Variants in PTPRT observed in about 807,000 individuals in gnomAD.
PTPRT encodes receptor-type tyrosine-protein phosphatase T.
In PTPRT, 56 loss-of-function variants were observed where a neutral mutation model predicts 176.8. That is an observed-to-expected ratio of 0.32 (90% CI 0.26 to 0.40). The LOEUF (loss-of-function observed/expected upper bound fraction) is 0.40, where lower values mean the gene tolerates loss of function less well. Among genes scored for constraint, PTPRT ranks in the 10% least tolerant of loss-of-function variants. The pLI is 1.00. For synonymous variants in PTPRT, 783 were observed against 739.0 expected (o/e 1.06, Z -0.96); for missense variants, 1,540 against 1,908.2 (o/e 0.81, Z 3.60).
Position 42,880,882 on chromosome 20 carries a change from T to C in PTPRT, c.214+4925A>G, listed in dbSNP as rs568839797. ...GTAGTTGTGGTTTTTGCCATTACTTTCAATGGCAAATAACAGTAGGTGTGT... is the reference window on the plus strand; with the variant it reads ...GTAGTTGTGGTTTTTGCCATTACTTCCAATGGCAAATAACAGTAGGTGTGT... On this transcript the variant is annotated intron_variant, in intron 2 of 30. Coordinates refer to ENST00000373187, the MANE Select transcript of PTPRT (RefSeq NM_007050.6). Among the ~76,000 whole-genome samples, 18 of 152,356 alleles carry C rather than the reference T, an allele frequency of 1.2e-4. No individual in the cohort carries two copies. The East Asian group carries it at 3.1e-3, about 26-fold the overall frequency.
intron 6 of PTPRT, among the ~76,000 whole-genome samples, 173 bp from the exon 7 acceptor site, chr20:42,678,332 G>A (rs1008796571): frequency 2.0e-5 from 3 of 152,142 alleles, no homozygotes; most frequent in African/African-American, 7.2e-5. Flanking sequence ...ATGGAGTCTT[G>A]CTCTGTCATT....
chr20:42,241,330 G>C (rs1426335473), intron 14 of PTPRT, among the ~76,000 whole-genome samples: 1 of 152,142 alleles, frequency 6.6e-6, no homozygotes, highest in Non-Finnish European at 1.5e-5. Context: ...TTTTTAGGTA[G>C]ATGGAACTGT....
At chr20:42,188,061 C>T (rs1450222659) in intron 16 of PTPRT, among the ~76,000 whole-genome samples, 1 of 152,228 alleles carries the variant, frequency 6.6e-6, no homozygotes, top group Non-Finnish European at 1.5e-5. Context: ...CCAGAGTCCA[C>T]TGCCAACCTG....
intron 17 of PTPRT, among the ~76,000 whole-genome samples, chr20:42,152,743 G>A (rs936982519): frequency 3.3e-5 from 5 of 152,258 alleles, no homozygotes; most frequent in South Asian, 2.1e-4. Flanking sequence ...CTTCCGGGTG[G>A]CTGACTCCAG....
Position 42,077,554 on chromosome 20 carries a change from G to A in PTPRT, c.*3325C>T, listed in dbSNP as rs1437518938. The A allele has an allele frequency of 1.8e-5, 4 of 218,110 alleles. No individual in the cohort carries two copies. Among genetic ancestry groups the A allele is most frequent in the Non-Finnish European group, 3.7e-5 (4 of 108,526 alleles). 13.5% of individuals were successfully genotyped at this position (218,110 alleles called of 1,614,324 possible). A position where few individuals can be genotyped will look rare whatever the true frequency, so the allele number is the denominator to read the frequency against. ...CCCTGGGGGTGGTGGTGTTGGCTCC[G>A]GAGATTTCCTGGGTAAAGGAAAATG... On this transcript the variant is annotated 3_prime_UTR_variant, in exon 31 of 31. Coordinates refer to ENST00000373187, the MANE Select transcript of PTPRT (RefSeq NM_007050.6).
intron 7 of PTPRT, among the ~76,000 whole-genome samples, chr20:42,607,784 G>A (rs2073904954): frequency 6.6e-6 from 1 of 152,096 alleles, no homozygotes; most frequent in Non-Finnish European, 1.5e-5. Context: ...GAATGAGCAG[G>A]CAGAGGGACC....
At chr20:42,900,372 G>A (rs1600537588) in intron 1 of PTPRT, among the ~76,000 whole-genome samples, 1 of 152,182 alleles carries the variant, frequency 6.6e-6, no homozygotes, top group East Asian at 1.9e-4. Flanking sequence ...GGTCCCTGAT[G>A]GTGAGCAGGC....
At chr20:42,554,828 C>A (rs1190028985) in intron 7 of PTPRT, among the ~76,000 whole-genome samples, 3 of 152,060 alleles carry the variant, frequency 2.0e-5, no homozygotes, top group African/African-American at 4.8e-5. Context: ...GGAAACAGAG[C>A]TTTGAAGATT....
intron 1 of PTPRT, among the ~76,000 whole-genome samples, chr20:43,119,292 T>G (rs2013170623): frequency 1.3e-5 from 2 of 152,252 alleles, no homozygotes; most frequent in South Asian, 4.1e-4. Context: ...AGTTTTATTT[T>G]TATTCTTTGA....
chr20:42,987,332 T>C (rs1983651096), intron 1 of PTPRT, among the ~76,000 whole-genome samples: 1 of 152,304 alleles, frequency 6.6e-6, no homozygotes, highest in African/African-American at 2.4e-5. Context: ...ATTCAGTTCC[T>C]CAGTCGCACG....
chr20:43,037,977 G>GA (rs1260052913), intron 1 of PTPRT, among the ~76,000 whole-genome samples: 1 of 152,152 alleles, frequency 6.6e-6, no homozygotes, highest in Non-Finnish European at 1.5e-5. Context: ...CTGGGGGTCT[G>GA]CTGCTGGGAA....
intron 9 of PTPRT, among the ~76,000 whole-genome samples, chr20:42,383,898 G>C (rs2058718960): frequency 6.6e-6 from 1 of 152,196 alleles, no homozygotes; most frequent in African/African-American, 2.4e-5. Flanking sequence ...AAAAGTTATT[G>C]CTAGGTGATG....
At chr20:43,146,058 C>T (rs1157247171) in intron 1 of PTPRT, among the ~76,000 whole-genome samples, 2 of 152,136 alleles carry the variant, frequency 1.3e-5, no homozygotes, top group African/African-American at 2.4e-5. Flanking sequence ...GAAATGAAGT[C>T]GTGGATGTAA....
intron 1 of PTPRT, among the ~76,000 whole-genome samples, chr20:43,060,584 T>G (rs1232657637): frequency 6.6e-6 from 1 of 152,246 alleles, no homozygotes; most frequent in African/African-American, 2.4e-5. Flanking sequence ...TCGGCTTTAT[T>G]ATCTGCAATA....
intron 9 of PTPRT, among the ~76,000 whole-genome samples, chr20:42,363,212 G>A (rs1357361568): frequency 5.2e-5 from 7 of 133,642 alleles, no homozygotes; most frequent in Non-Finnish European, 1.1e-4. Context: ...GGACCCACAA[G>A]TTAGAAGCCA....
At position 42,660,131 on chromosome 20, in the gene PTPRT, G is replaced by A. The variant is rs375288651; in HGVS notation, c.1153+17735C>T. Among the ~76,000 whole-genome samples the A allele has an allele frequency of 3.3e-5, 5 of 152,310 alleles. No homozygotes were observed. The East Asian group carries it at 9.6e-4, about 29-fold the overall frequency. ...GGCTCTAGGAAGATTGTACTGTAAA[G>A]GCTATGCAAGAGCAGGTGGTGCTGG... On this transcript the variant is annotated intron_variant, in intron 7 of 30. Transcript: ENST00000373187.
intron 8 of PTPRT, 94 bp downstream of exon 8, chr20:42,472,171 AT>A (rs1471352848): frequency 4.3e-6 from 6 of 1,381,226 alleles, no homozygotes; most frequent in African/African-American, 1.4e-5. Flanking sequence ...GGAATTAAAA[AT>A]GTAGGAAAAA....
chr20:43,101,496 C>T (rs1181168813), intron 1 of PTPRT, among the ~76,000 whole-genome samples: 1 of 152,064 alleles, frequency 6.6e-6, no homozygotes, highest in Non-Finnish European at 1.5e-5. Context: ...TAATGCGTAC[C>T]TCATAGCTCT....
intron 1 of PTPRT, among the ~76,000 whole-genome samples, chr20:42,955,298 C>G (rs766270908): frequency 6.6e-6 from 1 of 152,146 alleles, no homozygotes; most frequent in Non-Finnish European, 1.5e-5. Flanking sequence ...TAAAGTTGCA[C>G]GGCTGAAAAA....
Sources: gnomAD v4.1 joint callset for allele counts (sites outside exome capture counted in the v4.1 genomes callset) on GRCh38, gnomAD v4.1.1 for gene constraint, MANE v1.5 for transcripts, NCBI Gene and HGNC (gene_info 2026-07-23, HGNC 2026-07-21) for gene names.